Variants in CCNT2 observed in about 807,000 individuals in gnomAD.
CCNT2 encodes the protein cyclin T2, also known as cyclin-T2.
In CCNT2, 18 loss-of-function variants were observed where a neutral mutation model predicts 70.0. The observed-to-expected ratio is 0.26, with a 90% CI of 0.18 to 0.38. CCNT2 has a LOEUF of 0.38. CCNT2 is among the 10% of genes least tolerant of loss of function. The pLI is 1.00. For synonymous variants in CCNT2, 334 were observed against 313.3 expected, an observed-to-expected ratio of 1.07 and a Z score of -0.70; for missense variants, 734 against 890.2, an observed-to-expected ratio of 0.82 and a Z score of 2.23.
intron 6 of CCNT2, 162 bp downstream of exon 6, chr2:134,946,308 C>A: frequency 8.4e-7 from 1 of 1,188,096 alleles, no homozygotes; most frequent in Non-Finnish European, 1.2e-6. Flanking sequence ...GTACAAGGGA[C>A]TTTGGGCACA....
At position 134,954,143 on chromosome 2, in the gene CCNT2, A is replaced by T. The variant is rs1682748086; in HGVS notation, c.1688A>T (p.His563Leu). Residue 563 changes from histidine to leucine, a missense_variant, in exon 9 of 9, where the codon CAT becomes CTT. Around this residue, in one of 3 missense-constraint regions of CCNT2, gnomAD observed 532 missense variants for 556.9 expected, o/e 0.96. Coordinates refer to ENST00000264157, the MANE Select transcript of CCNT2 (RefSeq NM_058241.3). ...SRDHKEKHKE[H>L]PSSRHHTSSH... is the part of the protein sequence containing the mutation. Reference sequence around the variant, plus strand: ...GACCATAAGGAGAAGCACAAGGAGCATCCTTCAAGCCGCCACCACACCAGC... The same window carrying T: ...GACCATAAGGAGAAGCACAAGGAGCTTCCTTCAAGCCGCCACCACACCAGC... 2 of 1,614,218 alleles carry T rather than the reference A, an allele frequency of 1.2e-6. No homozygotes were observed. The highest frequency in any genetic ancestry group is 1.7e-6 in the Non-Finnish European group (2 of 1,180,040).
intron 2 of CCNT2, among the ~76,000 whole-genome samples, chr2:134,925,898 C>T (rs1436643935): frequency 2.1e-5 from 3 of 142,142 alleles, no homozygotes; most frequent in Non-Finnish European, 4.5e-5. Flanking sequence ...CTAGGTCTCC[C>T]TCTGACACCC....
At position 134,954,680 on chromosome 2, in the gene CCNT2, T is replaced by C. The variant is rs1192176983; in HGVS notation, c.*32T>C. The C allele has an allele frequency of 6.9e-7, 1 of 1,452,692 alleles. No homozygotes were observed. The highest frequency in any genetic ancestry group is 9.5e-7 in the Non-Finnish European group (1 of 1,047,912). The allele number at this position is 1,452,692 out of a possible 1,614,324, so 90.0% of individuals were successfully genotyped here. A position where few individuals can be genotyped will look rare whatever the true frequency, so the allele number is the denominator to read the frequency against. Reference sequence around the variant, plus strand: ...GTTTAGGTCAATTTTTCCTTTACTTTTTTAATTTAAAAATTGTTAGAATGG... The same window carrying C: ...GTTTAGGTCAATTTTTCCTTTACTTCTTTAATTTAAAAATTGTTAGAATGG... On this transcript the variant is annotated 3_prime_UTR_variant, in exon 9 of 9. Transcript: ENST00000264157.
rs556059508 is a variant in CCNT2, at chr2:134,950,072, G to A, written c.703+2173G>A. The stretch of plus-strand genomic sequence containing the variant: ...GCCTCAAAGTGTTAGGATTACAGGC[G>A]TGAACCACCACACCCAGCCAGTAGG... On this transcript the variant is annotated intron_variant, in intron 7 of 8. Transcript: ENST00000264157. Among the ~76,000 whole-genome samples, 13 of 152,296 alleles carry A rather than the reference G, an allele frequency of 8.5e-5. No homozygotes were observed. The South Asian group carries it at 2.5e-3, about 29-fold the overall frequency.
At position 134,956,745 on chromosome 2, in the gene CCNT2, C is replaced by T. The variant is rs1179338811; in HGVS notation, c.*2097C>T. The T allele has an allele frequency of 6.6e-6, 1 of 152,428 alleles. No individual in the cohort carries two copies. The allele number at this position is 152,428 out of a possible 1,614,324, so 9.4% of individuals were successfully genotyped here. A position where few individuals can be genotyped will look rare whatever the true frequency, so the allele number is the denominator to read the frequency against. ...ACTTATTTTCAGTAGACATAGAAAA[C>T]AATGTGAATATTTAAGGTCTGTGAC... is the stretch of plus-strand genomic sequence containing the variant. On this transcript the variant is annotated 3_prime_UTR_variant, in exon 9 of 9. Coordinates refer to ENST00000264157, the MANE Select transcript of CCNT2 (RefSeq NM_058241.3).
At chr2:134,919,405 C>T (rs141263291) in intron 1 of CCNT2, among the ~76,000 whole-genome samples, 226 of 152,274 alleles carry the variant, frequency 1.5e-3, no homozygotes, top group African/African-American at 5.2e-3. Flanking sequence ...AAGTGTTTGC[C>T]GCAGCCTTTC....
chr2:134,952,813 C>A (rs1338510198), intron 8 of CCNT2, 102 bp downstream of exon 8: 2 of 822,044 alleles, frequency 2.4e-6, no homozygotes, highest in South Asian at 1.6e-5. Flanking sequence ...TTGCAGTATT[C>A]CTGAATAATT....
chr2:134,945,556 C>A (rs561041466), intron 5 of CCNT2: 1 of 985,104 alleles, frequency 1.0e-6, no homozygotes, highest in Non-Finnish European at 1.2e-6. Flanking sequence ...TATCTGTACC[C>A]GTATGCTGTT....
chr2:134,935,323 C>T (rs1681067993), intron 2 of CCNT2, among the ~76,000 whole-genome samples: 1 of 152,142 alleles, frequency 6.6e-6, no homozygotes. Flanking sequence ...AAAGATTTAC[C>T]AGAAGGAAAA....
At position 134,952,678 on chromosome 2, in the gene CCNT2, G is replaced by A. The variant is rs1441072944; in HGVS notation, c.741G>A (p.Thr247=). The A allele has an allele frequency of 1.0e-5, 16 of 1,605,078 alleles. No homozygotes were observed. The highest frequency in any genetic ancestry group is 1.3e-5 in the African/African-American group (1 of 74,484). ...THEFLQILEK[T]PNRLKKIRNW... ...AGTTTCTACAAATATTGGAGAAAAC[G>A]CCTAATAGGTTGAAGAAGATTCGAA... Residue 247 remains threonine (T), a synonymous_variant, in exon 8 of 9, where the codon ACG becomes ACA. Coordinates refer to ENST00000264157, the MANE Select transcript of CCNT2 (RefSeq NM_058241.3).
In CCNT2 at chr2:134,954,760, A is replaced by G. The variant is rs1489658743; in HGVS notation, c.*112A>G. On this transcript the variant is annotated 3_prime_UTR_variant, in exon 9 of 9. Coordinates refer to ENST00000264157, the MANE Select transcript of CCNT2 (RefSeq NM_058241.3). Reference sequence around the variant, plus strand: ...CCCCTGCTGTTGCTGCCACTGCTTCAATATTTGTAAGTGCTGCTTTATTCT... The same window carrying G: ...CCCCTGCTGTTGCTGCCACTGCTTCGATATTTGTAAGTGCTGCTTTATTCT... 4 of 652,742 alleles carry G rather than the reference A, an allele frequency of 6.1e-6. No homozygotes were observed. In the Admixed American group the frequency reaches 1.1e-4, roughly 17 times the overall value. 40.4% of individuals were successfully genotyped at this position (652,742 alleles called of 1,614,324 possible).
At chr2:134,943,330 G>GT in intron 5 of CCNT2, 1 of 589,772 alleles carries the variant, frequency 1.7e-6, no homozygotes, top group Non-Finnish European at 2.1e-6. Flanking sequence ...GAGCCCAGTA[G>GT]TTGGAGGTTG....
Position 134,918,825 on chromosome 2 carries a change from A to G in CCNT2, c.-30A>G. On this transcript the variant is annotated 5_prime_UTR_variant, in exon 1 of 9. Transcript: ENST00000264157. The stretch of plus-strand genomic sequence containing the variant: ...CGCGAGCCAGGAGGGGCGGGGGGTG[A>G]ATGAAGGAGCGGGCGGAGGAGGAAG... The G allele has an allele frequency of 1.9e-6, 3 of 1,599,616 alleles. No homozygotes were observed. Among genetic ancestry groups the G allele is most frequent in the African/African-American group, 1.3e-5 (1 of 74,748 alleles).
intron 5 of CCNT2, chr2:134,944,180 A>C (rs1681782708): frequency 3.1e-6 from 3 of 983,254 alleles, no homozygotes; most frequent in Non-Finnish European, 3.6e-6. Context: ...TTTCATCTGA[A>C]TATTACAGTA....
intron 2 of CCNT2, among the ~76,000 whole-genome samples, chr2:134,922,082 G>T (rs555814339): frequency 2.2e-4 from 34 of 152,252 alleles, no homozygotes; most frequent in Non-Finnish European, 4.1e-4. Flanking sequence ...TAGGGCAAAG[G>T]GGGTGGTCTG....
Position 134,952,666 on chromosome 2 carries a change from A to G in CCNT2, c.729A>G (p.Ile243Met), listed in dbSNP as rs563723884. Reference protein sequence around the residue: ...LDELTHEFLQILEKTPNRLKK... With the variant: ...LDELTHEFLQMLEKTPNRLKK... The stretch of plus-strand genomic sequence containing the variant: ...AGCTAACACATGAGTTTCTACAAAT[A>G]TTGGAGAAAACGCCTAATAGGTTGA... Residue 243 changes from isoleucine (I) to methionine (M), a missense_variant, in exon 8 of 9, where the codon ATA (isoleucine) becomes ATG (methionine). By Grantham distance (10) the Ile-to-Met change is conservative. Transcript: ENST00000264157. 1 of 1,600,436 alleles carries G rather than the reference A, an allele frequency of 6.2e-7. No individual in the cohort carries two copies. The highest frequency in any genetic ancestry group is 1.3e-5 in the African/African-American group (1 of 74,348).
At chr2:134,936,266 G>A (rs1305084346) in intron 2 of CCNT2, among the ~76,000 whole-genome samples, 1 of 150,774 alleles carries the variant, frequency 6.6e-6, no homozygotes, top group African/African-American at 2.4e-5. Context: ...AGTATGTTCA[G>A]TCAACTTACT....
chr2:134,938,865 C>T, intron 3 of CCNT2, 137 bp from the exon 4 acceptor site: 2 of 565,582 alleles, frequency 3.5e-6, no homozygotes, highest in Admixed American at 3.1e-5. Flanking sequence ...CTGTCACCCT[C>T]AGTTTATTTT....
chr2:134,950,324 C>G (rs945828637), intron 7 of CCNT2, among the ~76,000 whole-genome samples: 1 of 152,048 alleles, frequency 6.6e-6, no homozygotes, highest in Non-Finnish European at 1.5e-5. Context: ...AGACTTTCAC[C>G]ATGTTTTGCA....
Sources: allele counts gnomAD v4.1 joint callset (sites outside exome capture counted in the v4.1 genomes callset), GRCh38; gene constraint gnomAD v4.1.1; regional missense constraint gnomAD v4.1.1; transcripts MANE v1.5; gene names NCBI Gene and HGNC (gene_info 2026-07-23, HGNC 2026-07-21).